The following MAN2A1 variants were observed in gnomAD, a reference collection of about 807,000 sequenced individuals.
MAN2A1 encodes the protein mannosidase alpha class 2A member 1.
Under a neutral mutation model 142.6 loss-of-function variants are expected in MAN2A1, and 76 were observed. The observed-to-expected ratio is 0.53, with a 90% CI of 0.44 to 0.65. MAN2A1 has a LOEUF of 0.65. Ranked by LOEUF, MAN2A1 falls within the 30% of genes least tolerant of loss-of-function variation. The pLI is 0.00. For synonymous variants in MAN2A1, 559 were observed against 473.2 expected (o/e 1.18, Z -2.35); for missense variants, 1,311 against 1,365.1 (o/e 0.96, Z 0.62).
intron 1 of MAN2A1, among the ~76,000 whole-genome samples, chr5:109,701,126 C>T (rs1014927475): frequency 6.6e-6 from 1 of 152,090 alleles, no homozygotes. Flanking sequence ...AATACAGGAG[C>T]TAAGACTAAA....
chr5:109,715,004 A>AC lies in MAN2A1; in HGVS notation c.391-1116_391-1115insC, dbSNP rs1323816822. Among the ~76,000 whole-genome samples the AC allele has an allele frequency of 2.0e-5, 3 of 151,936 alleles. No homozygotes were observed. The East Asian group carries it at 5.8e-4, about 30-fold the overall frequency. The stretch of plus-strand genomic sequence containing the variant: ...AAGGGAACAGCAAAAAAAAAAAAAA[A>AC]AAATTATTTTTGTTGTGTGGTCTAA... On this transcript the variant is annotated intron_variant, in intron 2 of 21. Coordinates refer to ENST00000261483, the MANE Select transcript of MAN2A1 (RefSeq NM_002372.4).
intron 16 of MAN2A1, among the ~76,000 whole-genome samples, chr5:109,833,317 G>A (rs1754974054): frequency 6.6e-6 from 1 of 152,152 alleles, no homozygotes; most frequent in Non-Finnish European, 1.5e-5. Flanking sequence ...GCCAAGGCAG[G>A]CGGCTGGGAG....
chr5:109,856,450 G>T (rs1017050927), intron 20 of MAN2A1, among the ~76,000 whole-genome samples: 2 of 152,160 alleles, frequency 1.3e-5, no homozygotes, highest in African/African-American at 4.8e-5. Context: ...AAATTTATGG[G>T]AAGAGTGAAG....
At chr5:109,691,002 A>G (rs2112530714) in intron 1 of MAN2A1, among the ~76,000 whole-genome samples, 2 of 151,874 alleles carry the variant, frequency 1.3e-5, no homozygotes, top group African/African-American at 4.8e-5. Flanking sequence ...ATCAAACCGA[A>G]CCCACCTAGG....
At chr5:109,863,925 T>C (rs1473559586) in intron 20 of MAN2A1, 1 of 152,218 alleles carries the variant, frequency 6.6e-6, no homozygotes, top group East Asian at 1.9e-4. Context: ...CTACAAAATA[T>C]CAGTGTGAAA....
chr5:109,831,530 C>T (rs951094715), intron 16 of MAN2A1, among the ~76,000 whole-genome samples: 2 of 152,236 alleles, frequency 1.3e-5, no homozygotes, highest in South Asian at 4.2e-4. Flanking sequence ...TGAAGTTTTT[C>T]TTTATACATT....
At chr5:109,800,966 A>G (rs1191030284) in intron 12 of MAN2A1, among the ~76,000 whole-genome samples, 3 of 152,188 alleles carry the variant, frequency 2.0e-5, no homozygotes, top group Non-Finnish European at 4.4e-5. Context: ...ATCATCTCGC[A>G]TTCATTGTTT....
intron 9 of MAN2A1, among the ~76,000 whole-genome samples, chr5:109,783,583 A>G (rs1261637803): frequency 6.6e-6 from 1 of 152,146 alleles, no homozygotes; most frequent in Non-Finnish European, 1.5e-5. Flanking sequence ...GTTTAGAGAA[A>G]TGCATCATTT....
intron 1 of MAN2A1, among the ~76,000 whole-genome samples, chr5:109,700,226 A>G (rs1195308174): frequency 6.6e-6 from 1 of 151,258 alleles, no homozygotes; most frequent in Admixed American, 6.6e-5. Flanking sequence ...CTCATTATGC[A>G]CCAACATTTT....
intron 4 of MAN2A1, among the ~76,000 whole-genome samples, chr5:109,753,934 T>C (rs189591848): frequency 6.9e-4 from 104 of 151,206 alleles, no homozygotes; most frequent in African/African-American, 2.4e-3. Flanking sequence ...TTTGACACAA[T>C]GTCTCACTCT....
chr5:109,848,794 G>A (rs2112766029), intron 19 of MAN2A1, among the ~76,000 whole-genome samples: 1 of 152,258 alleles, frequency 6.6e-6, no homozygotes, highest in East Asian at 1.9e-4. Flanking sequence ...AGTAGAAATG[G>A]AATACAGCCT....
chr5:109,819,690 C>T lies in MAN2A1; in HGVS notation c.2131C>T (p.Pro711Ser). The change falls in exon 14 of 22, where the codon CCG (proline) becomes TCG (serine). Residue 711 changes from proline (P) to serine (S), a missense_variant. Transcript: ENST00000261483. ...AYEISFRAHI[P>S]PLGLKVYKIL... is the part of the protein sequence containing the mutation. Reference sequence around the variant, plus strand: ...AAAGATCTCTTTTCGAGCACATATACCGCCATTGGGACTGAAAGTGTATAA... The same window carrying T: ...AAAGATCTCTTTTCGAGCACATATATCGCCATTGGGACTGAAAGTGTATAA... 1 of 1,601,932 alleles carries T rather than the reference C, an allele frequency of 6.2e-7. No individual in the cohort carries two copies. The highest frequency in any genetic ancestry group is 8.5e-7 in the Non-Finnish European group (1 of 1,174,712).
chr5:109,854,687 T>C (rs542121184), intron 19 of MAN2A1: 1 of 152,798 alleles, frequency 6.5e-6, no homozygotes, highest in African/African-American at 2.4e-5. Flanking sequence ...AATCAGTATA[T>C]GCCTTTATGG....
At chr5:109,732,875 A>G (rs967548704) in intron 4 of MAN2A1, among the ~76,000 whole-genome samples, 2 of 152,130 alleles carry the variant, frequency 1.3e-5, no homozygotes, top group African/African-American at 4.8e-5. Context: ...TGAACTTTAA[A>G]GTAGTTTTTT....
chr5:109,848,820 T>C (rs1755406488), intron 19 of MAN2A1, among the ~76,000 whole-genome samples: 1 of 152,242 alleles, frequency 6.6e-6, no homozygotes, highest in Non-Finnish European at 1.5e-5. Flanking sequence ...CAGACTCTTA[T>C]TTCCATTTCC....
chr5:109,818,526 T>TGTGCATCCCCCATGCTCTGTTCA (rs1754534758), intron 13 of MAN2A1, among the ~76,000 whole-genome samples: 1 of 152,208 alleles, frequency 6.6e-6, no homozygotes, highest in South Asian at 2.1e-4. Flanking sequence ...TCTTAAACTG[T>TGTGCATCCCCCATGCTCTGTTCA]GTGCATCCCC....
chr5:109,710,667 G>A (rs553174978), intron 1 of MAN2A1, among the ~76,000 whole-genome samples: 49 of 151,934 alleles, frequency 3.2e-4, no homozygotes, highest in African/African-American at 1.2e-3. Flanking sequence ...ACCACACCCA[G>A]CTAATTTTTA....
At position 109,868,545 on chromosome 5, in the gene MAN2A1, C is replaced by G. The variant is rs999843988; in HGVS notation, c.*1547C>G. The G allele has an allele frequency of 2.0e-5, 3 of 152,078 alleles. No homozygotes were observed. Among genetic ancestry groups the G allele is most frequent in the Non-Finnish European group, 4.4e-5 (3 of 68,012 alleles). 9.4% of individuals were successfully genotyped at this position (152,078 alleles called of 1,614,324 possible). ...ACATCTTTATAGAGAAATAAAAACCCAATTTCTCTTTCACCATTTAGTTTG... is the reference window on the plus strand; with the variant it reads ...ACATCTTTATAGAGAAATAAAAACCGAATTTCTCTTTCACCATTTAGTTTG... On this transcript the variant is annotated 3_prime_UTR_variant, in exon 22 of 22. Transcript: ENST00000261483.
Position 109,690,360 on chromosome 5 carries a change from C to G in MAN2A1, c.-58C>G. The G allele has an allele frequency of 6.3e-7, 1 of 1,599,078 alleles. No homozygotes were observed. The highest frequency in any genetic ancestry group is 1.1e-5 in the South Asian group (1 of 90,752). On this transcript the variant is annotated 5_prime_UTR_variant, in exon 1 of 22. Transcript: ENST00000261483. Reference sequence around the variant, plus strand: ...TCCGGCGGCTGCTTCCTAGAGTCCACAGTGCGCTGTCTCCTTTGGCTGAGG... The same window carrying G: ...TCCGGCGGCTGCTTCCTAGAGTCCAGAGTGCGCTGTCTCCTTTGGCTGAGG...
Sources: allele counts gnomAD v4.1 joint callset (sites outside exome capture counted in the v4.1 genomes callset), GRCh38; gene constraint gnomAD v4.1.1; transcripts MANE v1.5; gene names NCBI Gene and HGNC (gene_info 2026-07-23, HGNC 2026-07-21).